Variants in TBL1X observed in about 807,000 individuals in gnomAD.
The protein encoded by TBL1X is F-box-like/WD repeat-containing protein TBL1X.
Under a neutral mutation model 50.7 loss-of-function variants are expected in TBL1X, and 10 were observed. That is an observed-to-expected ratio of 0.20 (90% CI 0.12 to 0.33). The LOEUF (loss-of-function observed/expected upper bound fraction) is 0.33. TBL1X is among the 10% of genes least tolerant of loss of function. The pLI is 1.00. For missense variants in TBL1X, 340 were observed against 504.4 expected, an observed-to-expected ratio of 0.67 and a Z score of 3.12; for synonymous variants, 190 against 214.7, an observed-to-expected ratio of 0.88 and a Z score of 1.01.
intron 1 of TBL1X, among the ~76,000 whole-genome samples, chrX:9,498,828 C>T (rs1348662631): frequency 8.9e-6 from 1 of 112,231 alleles, no homozygotes; most frequent in Non-Finnish European, 1.9e-5. Flanking sequence ...CTTTGGGTTG[C>T]ACAGTGCTGA....
chrX:9,699,127 T>C (rs779630975), intron 12 of TBL1X, among the ~76,000 whole-genome samples: 1 of 111,649 alleles, frequency 9.0e-6, no homozygotes, highest in Non-Finnish European at 1.9e-5. Flanking sequence ...ATTACAGGCA[T>C]GCACCACCAA....
intron 3 of TBL1X, among the ~76,000 whole-genome samples, chrX:9,653,159 G>A (rs2082846030): frequency 8.9e-6 from 1 of 112,969 alleles, no homozygotes; most frequent in Non-Finnish European, 1.9e-5. Context: ...GCGAGACTCC[G>A]TCTCAAAAGA....
intron 2 of TBL1X, among the ~76,000 whole-genome samples, chrX:9,587,072 G>A (rs1383824233): frequency 8.9e-6 from 1 of 111,919 alleles, no homozygotes; most frequent in Non-Finnish European, 1.9e-5. Flanking sequence ...TTCCGCCCTT[G>A]GAGTGAGCCA....
rs3043954 is a variant in TBL1X, at chrX:9,665,539, A to ATATATATATATATATAT, written c.211+11217_211+11218insTATATATATATATATAT. ...TATATATATATATATATATATATAT[A>ATATATATATATATATAT]AAAGGCCTTGGTGCTTTTTCGCTTC... On this transcript the variant is annotated intron_variant, in intron 5 of 17. Coordinates refer to ENST00000645353, the MANE Select transcript of TBL1X (RefSeq NM_005647.4). 7.3e-4 allele frequency among the ~76,000 whole-genome samples: 46 copies of ATATATATATATATATAT among 62,870 alleles called. 1 individual carries two copies. Among genetic ancestry groups the ATATATATATATATATAT allele is most frequent in the Admixed American group, 1.9e-3 (9 of 4,682 alleles). 54.6% of individuals were successfully genotyped at this position (62,870 alleles called of 115,157 possible).
intron 2 of TBL1X, among the ~76,000 whole-genome samples, chrX:9,577,418 G>A (rs2082418105): frequency 8.9e-6 from 1 of 112,009 alleles, no homozygotes; most frequent in East Asian, 2.8e-4. Flanking sequence ...GCCCCACCTA[G>A]GCCTGATTTT....
chrX:9,631,773 T>C (rs72612808), intron 2 of TBL1X, among the ~76,000 whole-genome samples: 1 of 112,972 alleles, frequency 8.9e-6, no homozygotes, highest in East Asian at 2.8e-4. Flanking sequence ...AAAATATTTT[T>C]ATGTTTATAT....
intron 2 of TBL1X, among the ~76,000 whole-genome samples, chrX:9,605,404 C>T (rs1416832634): frequency 8.9e-6 from 1 of 112,289 alleles, no homozygotes; most frequent in Non-Finnish European, 1.9e-5. Flanking sequence ...AGTTTAAAGC[C>T]ACAGAGGGTC....
chrX:9,608,232 A>G (rs1026863302), intron 2 of TBL1X, among the ~76,000 whole-genome samples: 8 of 111,264 alleles, frequency 7.2e-5, no homozygotes, highest in African/African-American at 2.6e-4. Context: ...GGTACTGTCA[A>G]CCTGACTCAC....
At chrX:9,507,417 A>G (rs981821316) in intron 2 of TBL1X, among the ~76,000 whole-genome samples, 8 of 111,656 alleles carry the variant, frequency 7.2e-5, no homozygotes, top group African/African-American at 2.6e-4. Flanking sequence ...GATAACTACA[A>G]ATCACTGCTC....
In TBL1X at chrX:9,712,023, C is replaced by T. The variant is rs2083250658; in HGVS notation, c.1605+247C>T. The stretch of plus-strand genomic sequence containing the variant: ...GTCCACCGTAATCATGGCTCTTGGC[C>T]ATTTGATTCCAAACCCTCACCTTGG... On this transcript the variant is annotated intron_variant, in intron 16 of 17. Coordinates refer to ENST00000645353, the MANE Select transcript of TBL1X (RefSeq NM_005647.4). 3.6e-5 allele frequency among the ~76,000 whole-genome samples: 4 copies of T among 110,494 alleles called. No individual in the cohort carries two copies. In the South Asian group the frequency reaches 1.5e-3, roughly 42 times the overall value.
chrX:9,556,537 C>A (rs190892043), intron 2 of TBL1X, among the ~76,000 whole-genome samples: 2 of 109,182 alleles, frequency 1.8e-5, no homozygotes, highest in East Asian at 5.7e-4. Flanking sequence ...CACCTGTAGT[C>A]CCAGCTACTT....
intron 14 of TBL1X, 39 bp downstream of exon 14, chrX:9,709,361 A>G (rs757600662): frequency 4.2e-6 from 5 of 1,189,397 alleles, no homozygotes; most frequent in Non-Finnish European, 5.7e-6. Context: ...GTTTAATCCT[A>G]GACAACCCCG....
chrX:9,651,212 T>G (rs1014322812), intron 3 of TBL1X, among the ~76,000 whole-genome samples: 9 of 109,891 alleles, frequency 8.2e-5, no homozygotes, highest in Non-Finnish European at 1.5e-4. Context: ...GTTTGTTTGT[T>G]TTGTTTTGTT....
At chrX:9,497,073 T>C (rs1055905234) in intron 1 of TBL1X, among the ~76,000 whole-genome samples, 45 of 111,570 alleles carry the variant, frequency 4.0e-4, no homozygotes, top group African/African-American at 8.1e-4. Context: ...CCATCAGGGC[T>C]CCACTTGGTC....
At chrX:9,526,068 G>C (rs1172600937) in intron 2 of TBL1X, among the ~76,000 whole-genome samples, 1 of 107,501 alleles carries the variant, frequency 9.3e-6, no homozygotes, top group Non-Finnish European at 1.9e-5. Context: ...TCAAGATGAA[G>C]GGGTCTGTGT....
At chrX:9,481,617 A>G (rs1301356429) in intron 1 of TBL1X, among the ~76,000 whole-genome samples, 7 of 112,424 alleles carry the variant, frequency 6.2e-5, no homozygotes, top group Non-Finnish European at 1.3e-4. Context: ...GTTGACTTAC[A>G]GAGCCAATAA....
intron 2 of TBL1X, among the ~76,000 whole-genome samples, chrX:9,628,839 C>T (rs978604325): frequency 7.1e-5 from 8 of 112,260 alleles, no homozygotes; most frequent in Non-Finnish European, 9.4e-5. Context: ...TGAGGCACTG[C>T]GCCTGGCAGA....
chrX:9,475,035 G>A (rs1285335180), intron 1 of TBL1X, among the ~76,000 whole-genome samples: 2 of 109,903 alleles, frequency 1.8e-5, no homozygotes, highest in African/African-American at 3.3e-5. Flanking sequence ...CACTGCACCC[G>A]GCTAATTTTT....
At chrX:9,568,659 G>A (rs750927315) in intron 2 of TBL1X, among the ~76,000 whole-genome samples, 20 of 105,726 alleles carry the variant, frequency 1.9e-4, no homozygotes, top group Admixed American at 1.2e-3. Flanking sequence ...TGTGTATGTC[G>A]TGTCTGTGCA....
Sources: gnomAD v4.1 joint callset for allele counts (sites outside exome capture counted in the v4.1 genomes callset) on GRCh38, gnomAD v4.1.1 for gene constraint, MANE v1.5 for transcripts, NCBI Gene and HGNC (gene_info 2026-07-23, HGNC 2026-07-21) for gene names.